The following SLC25A26 variants were observed in gnomAD, a reference collection of about 807,000 sequenced individuals.
SLC25A26 encodes solute carrier family 25 member 26, also known as mitochondrial S-adenosylmethionine carrier protein.
Under a neutral mutation model 37.8 loss-of-function variants are expected in SLC25A26, and 36 were observed. The observed-to-expected ratio is 0.95, with a 90% confidence interval of 0.73 to 1.26. SLC25A26 has a LOEUF of 1.26. SLC25A26 is among the 50% of genes most tolerant of loss of function. SLC25A26 has a pLI of 0.00. For synonymous variants in SLC25A26, 129 were observed against 122.5 expected (o/e 1.05, Z -0.35); for missense variants, 390 against 331.1 (o/e 1.18, Z -1.38).
chr3:66,247,704 T>C (rs2072913014), intron 3 of SLC25A26, among the ~76,000 whole-genome samples: 1 of 152,242 alleles, frequency 6.6e-6, no homozygotes, highest in South Asian at 2.1e-4. Flanking sequence ...TTGGTTCTGA[T>C]GCTCTAATAA....
intron 1 of SLC25A26, among the ~76,000 whole-genome samples, chr3:66,143,462 G>A (rs778210807): frequency 9.9e-5 from 15 of 152,102 alleles, no homozygotes; most frequent in Non-Finnish European, 1.9e-4. Context: ...CACAATTATT[G>A]AGCCAAAAGT....
chr3:66,222,432 C>T (rs1484465719), intron 1 of SLC25A26, among the ~76,000 whole-genome samples: 1 of 152,168 alleles, frequency 6.6e-6, no homozygotes, highest in African/African-American at 2.4e-5. Context: ...CCGCCCGCCT[C>T]GGCCTCCCAA....
chr3:66,272,743 G>A (rs941110836), intron 5 of SLC25A26, among the ~76,000 whole-genome samples: 1 of 152,094 alleles, frequency 6.6e-6, no homozygotes, highest in Non-Finnish European at 1.5e-5. Flanking sequence ...TGCAAACAGG[G>A]ACAATTTGAC....
At chr3:66,192,585 G>C (rs1458990605) in intron 1 of SLC25A26, among the ~76,000 whole-genome samples, 2 of 152,298 alleles carry the variant, frequency 1.3e-5, no homozygotes, top group South Asian at 4.1e-4. Context: ...ATGAATCTAA[G>C]TAGTAGTATT....
chr3:66,262,230 A>C, intron 4 of SLC25A26, 75 bp downstream of exon 4: 1 of 725,176 alleles, frequency 1.4e-6, no homozygotes, highest in Non-Finnish European at 2.2e-6. Flanking sequence ...TGTGGATTTC[A>C]TCCTAAGAGC....
chr3:66,281,610 C>T (rs1165177428), intron 5 of SLC25A26, among the ~76,000 whole-genome samples: 1 of 152,052 alleles, frequency 6.6e-6, no homozygotes, highest in Admixed American at 6.6e-5. Context: ...ATGTACCAGA[C>T]AGTTTACTCG....
intron 7 of SLC25A26, among the ~76,000 whole-genome samples, chr3:66,364,182 C>T (rs1173920490): frequency 6.6e-6 from 1 of 151,800 alleles, no homozygotes; most frequent in African/African-American, 2.4e-5. Context: ...TCCTTGAATA[C>T]CCAATTCAAA....
intron 6 of SLC25A26, among the ~76,000 whole-genome samples, chr3:66,353,695 C>T (rs1044055899): frequency 1.3e-5 from 2 of 152,080 alleles, no homozygotes; most frequent in African/African-American, 2.4e-5. Context: ...GACCACCTCT[C>T]CCCAGTATCC....
At chr3:66,365,130 G>A (rs537104535) in intron 7 of SLC25A26, among the ~76,000 whole-genome samples, 1 of 152,232 alleles carries the variant, frequency 6.6e-6, no homozygotes, top group South Asian at 2.1e-4. Flanking sequence ...GATGAAGGAT[G>A]TCTTGTGAAG....
At chr3:66,220,525 G>C (rs36162483), upstream of SLC25A26, among the ~76,000 whole-genome samples, 125,150 of 151,804 alleles carry the variant, frequency 0.82, 52,414 homozygotes, top group Middle Eastern at 0.92. Flanking sequence ...TTTTAACTCC[G>C]GTCAGGAAAC....
intron 1 of SLC25A26, among the ~76,000 whole-genome samples, chr3:66,160,952 A>G (rs2070350198): frequency 6.6e-6 from 1 of 152,186 alleles, no homozygotes; most frequent in South Asian, 2.1e-4. Context: ...AAATGTAATT[A>G]AAGGGAACAC....
intron 5 of SLC25A26, among the ~76,000 whole-genome samples, chr3:66,320,798 C>G (rs1189006378): frequency 6.6e-6 from 1 of 151,968 alleles, no homozygotes; most frequent in Non-Finnish European, 1.5e-5. Context: ...TGGTATGAAC[C>G]AGTTGCATTT....
intron 1 of SLC25A26, among the ~76,000 whole-genome samples, chr3:66,142,884 C>T (rs2106670823): frequency 6.6e-6 from 1 of 152,258 alleles, no homozygotes. Flanking sequence ...CCACCTCAGC[C>T]TCCTGAGTAG....
At chr3:66,138,375 A>C (rs564226741) in intron 1 of SLC25A26, among the ~76,000 whole-genome samples, 33 of 152,216 alleles carry the variant, frequency 2.2e-4, no homozygotes, top group African/African-American at 7.5e-4. Context: ...TCTTAATTTG[A>C]TAAATTTCTC....
chr3:66,360,655 C>T (rs1397743339), intron 6 of SLC25A26, among the ~76,000 whole-genome samples: 1 of 152,170 alleles, frequency 6.6e-6, no homozygotes, highest in East Asian at 1.9e-4. Context: ...GTGCGATTTG[C>T]AGTAGCATCA....
chr3:66,175,774 CCTT>C (rs959962683), intron 1 of SLC25A26, among the ~76,000 whole-genome samples: 1 of 152,216 alleles, frequency 6.6e-6, no homozygotes, highest in Non-Finnish European at 1.5e-5. Context: ...GGAGGGCTAA[CCTT>C]CTGTTCTATT....
In SLC25A26 at chr3:66,363,248, G is replaced by A. The variant is rs139325622; in HGVS notation, c.568+319G>A. On this transcript the variant is annotated intron_variant, in intron 7 of 9. Coordinates refer to ENST00000354883, the MANE Select transcript of SLC25A26 (RefSeq NM_001379210.1). ...CTCTGTGGGAAGAGACTTGCTGTGG[G>A]TGCAGGGCTCACCATGCAGCTGTCT... 7.0e-3 allele frequency among the ~76,000 whole-genome samples: 1,066 copies of A among 152,304 alleles called. 8 individuals are homozygous for A. The highest frequency in any genetic ancestry group is 0.024 in the Middle Eastern group (7 of 294).
At chr3:66,320,981 T>A (rs1326704122) in intron 5 of SLC25A26, among the ~76,000 whole-genome samples, 1 of 152,178 alleles carries the variant, frequency 6.6e-6, no homozygotes, top group Non-Finnish European at 1.5e-5. Flanking sequence ...ACTTTCAAGA[T>A]GATGGTATTA....
intron 6 of SLC25A26, among the ~76,000 whole-genome samples, chr3:66,351,116 A>C (rs574759681): frequency 3.1e-4 from 47 of 152,072 alleles, no homozygotes; most frequent in Non-Finnish European, 5.9e-4. Flanking sequence ...ATGTCACAAG[A>C]ATGCAAAGAT....
Sources: allele counts gnomAD v4.1 joint callset (sites outside exome capture counted in the v4.1 genomes callset), GRCh38; gene constraint gnomAD v4.1.1; transcripts MANE v1.5; gene names NCBI Gene and HGNC (gene_info 2026-07-23, HGNC 2026-07-21).